Variants in CREBRF observed in about 807,000 individuals in gnomAD.
The protein encoded by CREBRF is CREB3 regulatory factor, also known as UPF0474 protein C5orf41.
A neutral mutation model predicts 66.1 loss-of-function variants in CREBRF; 5 were observed. That is an observed-to-expected ratio of 0.08 (90% CI 0.04 to 0.16). The LOEUF is 0.16. CREBRF is among the 10% of genes least tolerant of loss of function. CREBRF has a pLI of 1.00. For missense variants in CREBRF, 531 were observed against 744.9 expected (o/e 0.71, Z 3.34); for synonymous variants, 229 against 264.4 (o/e 0.87, Z 1.30).
chr5:173,129,104 A>ATTT (rs1759343522), intron 8 of CREBRF, among the ~76,000 whole-genome samples: 1 of 56,626 alleles, frequency 1.8e-5, no homozygotes, highest in African/African-American at 8.0e-5. Flanking sequence ...TATTAGTTAC[A>ATTT]TCTTTTTTTT....
At chr5:173,082,908 CAAAAAAAAAAAAAAAAAAAA>C (rs70984937) in intron 2 of CREBRF, among the ~76,000 whole-genome samples, 9 of 29,018 alleles carry the variant, frequency 3.1e-4, no homozygotes, top group East Asian at 2.6e-3. Context: ...GACTCTGTCT[CAAAAAAAAAAAAAAAAAAAA>C]AAAAAAAAAA....
intron 4 of CREBRF, among the ~76,000 whole-genome samples, chr5:173,107,334 A>G (rs1403014385): frequency 6.6e-6 from 1 of 152,126 alleles, no homozygotes; most frequent in East Asian, 1.9e-4. Flanking sequence ...CGTCTTGTTC[A>G]TGTACCTAGC....
chr5:173,091,600 C>T (rs1388037671), intron 4 of CREBRF, 199 bp downstream of exon 4: 13 of 1,306,506 alleles, frequency 1.0e-5, no homozygotes, highest in Non-Finnish European at 1.3e-5. Context: ...CATAGGGATT[C>T]ATAAGCTGAT....
intron 4 of CREBRF, 46 bp downstream of exon 4, chr5:173,091,447 A>G (rs751407682): frequency 5.1e-6 from 8 of 1,565,080 alleles, no homozygotes; most frequent in South Asian, 1.2e-5. Context: ...TTGTATTACT[A>G]TTTTGAAATA....
chr5:173,100,889 T>TA (rs1758614235), intron 4 of CREBRF, among the ~76,000 whole-genome samples: 1 of 152,222 alleles, frequency 6.6e-6, no homozygotes, highest in African/African-American at 2.4e-5. Context: ...CTCACTGTGT[T>TA]ACTCAGGCTG....
Position 173,134,377 on chromosome 5 carries a change from AAT to A in CREBRF, c.*635_*636del. The A allele has an allele frequency of 3.1e-6, 1 of 323,176 alleles. No homozygotes were observed. Among genetic ancestry groups the A allele is most frequent in the Non-Finnish European group, 6.2e-6 (1 of 160,904 alleles). The allele number at this position is 323,176 out of a possible 1,614,324, so 20.0% of individuals were successfully genotyped here. The stretch of plus-strand genomic sequence containing the variant: ...ATTTTGGGGAAACTCTAAAACTGGT[AAT>A]ATTTTGTATGATGAAAACCCTAATG... On this transcript the variant is annotated 3_prime_UTR_variant, in exon 9 of 9. Coordinates refer to ENST00000296953, the MANE Select transcript of CREBRF (RefSeq NM_153607.3).
intron 4 of CREBRF, chr5:173,092,153 G>A: frequency 2.2e-6 from 2 of 919,042 alleles, no homozygotes; most frequent in Non-Finnish European, 2.6e-6. Flanking sequence ...GTTGAGATAA[G>A]TTAGGAGTAT....
intron 1 of CREBRF, among the ~76,000 whole-genome samples, 164 bp downstream of exon 1, chr5:173,056,643 G>A (rs1412381107): frequency 6.6e-6 from 1 of 151,996 alleles, no homozygotes; most frequent in Non-Finnish European, 1.5e-5. Flanking sequence ...TAGGGCGCGC[G>A]GGCCTTGGGC....
intron 1 of CREBRF, among the ~76,000 whole-genome samples, chr5:173,062,980 C>T (rs1222944909): frequency 6.6e-6 from 1 of 152,002 alleles, no homozygotes; most frequent in Non-Finnish European, 1.5e-5. Context: ...ATCTCCTGAC[C>T]TCGTGATCCG....
chr5:173,057,860 G>A (rs903744343), intron 1 of CREBRF, among the ~76,000 whole-genome samples: 1 of 147,272 alleles, frequency 6.8e-6, no homozygotes, highest in East Asian at 2.0e-4. Context: ...ATTAGGCCCC[G>A]TGCTTGTCCT....
intron 2 of CREBRF, among the ~76,000 whole-genome samples, chr5:173,084,617 A>C (rs1209307677): frequency 5.4e-5 from 7 of 129,772 alleles, no homozygotes; most frequent in Non-Finnish European, 5.3e-5. Context: ...TCATTATTGC[A>C]AAAATGATTT....
chr5:173,111,609 C>T (rs1360472181), intron 6 of CREBRF, among the ~76,000 whole-genome samples: 1 of 152,184 alleles, frequency 6.6e-6, no homozygotes, highest in Non-Finnish European at 1.5e-5. Context: ...CTTTTGGTTG[C>T]TGAGTTGTAT....
intron 8 of CREBRF, among the ~76,000 whole-genome samples, chr5:173,125,067 C>A (rs1759238471): frequency 1.3e-5 from 2 of 151,780 alleles, no homozygotes; most frequent in Non-Finnish European, 2.9e-5. Context: ...TACAGGCACC[C>A]ACCACCACAC....
At chr5:173,116,951 TCTTAA>T (rs1759004230) in intron 7 of CREBRF, among the ~76,000 whole-genome samples, 1 of 152,152 alleles carries the variant, frequency 6.6e-6, no homozygotes, top group Admixed American at 6.6e-5. Flanking sequence ...CTCATTGTGG[TCTTAA>T]CTTTTCATTT....
chr5:173,099,331 T>C (rs1161144538), intron 4 of CREBRF, among the ~76,000 whole-genome samples: 3 of 152,114 alleles, frequency 2.0e-5, no homozygotes, highest in Admixed American at 6.6e-5. Flanking sequence ...AATTTTGGTA[T>C]TGTTTGTAGA....
chr5:173,128,944 C>G (rs889202396), intron 8 of CREBRF, among the ~76,000 whole-genome samples: 9 of 151,344 alleles, frequency 5.9e-5, no homozygotes, highest in African/African-American at 2.2e-4. Flanking sequence ...CCATGCCCGG[C>G]GAATTTTTTG....
intron 2 of CREBRF, among the ~76,000 whole-genome samples, chr5:173,082,481 C>T (rs1001768936): frequency 3.3e-5 from 5 of 150,210 alleles, no homozygotes; most frequent in East Asian, 3.9e-4. Flanking sequence ...AAGAAAAATA[C>T]GATGAGAGGG....
chr5:173,085,964 A>G, intron 2 of CREBRF: 5 of 1,481,500 alleles, frequency 3.4e-6, no homozygotes, highest in Non-Finnish European at 4.7e-6. Context: ...TGGAGAGACC[A>G]CTGAAAAACA....
chr5:173,071,176 A>T (rs1333737013), intron 1 of CREBRF, among the ~76,000 whole-genome samples: 1 of 133,548 alleles, frequency 7.5e-6, no homozygotes, highest in Admixed American at 7.5e-5. Context: ...GTAGTGGAAG[A>T]CAGAGTTGGA....
Sources: gnomAD v4.1 joint callset for allele counts (sites outside exome capture counted in the v4.1 genomes callset) on GRCh38, gnomAD v4.1.1 for gene constraint, MANE v1.5 for transcripts, NCBI Gene and HGNC (gene_info 2026-07-23, HGNC 2026-07-21) for gene names.